Variants in CTSC observed in about 807,000 individuals in gnomAD.
CTSC encodes dipeptidyl peptidase 1.
In CTSC, 37 loss-of-function variants were observed where a neutral mutation model predicts 40.9. The ratio of observed to expected loss-of-function variants is 0.91; its 90% CI spans 0.70 to 1.19. The LOEUF is 1.19. CTSC is among the 50% of genes most tolerant of loss of function. The pLI is 0.00. For missense variants in CTSC, 594 were observed against 567.3 expected, an observed-to-expected ratio of 1.05 and a Z score of -0.48; for synonymous variants, 232 against 207.4, an observed-to-expected ratio of 1.12 and a Z score of -1.02.
rs370201211 is a variant in CTSC at position 88,296,290 on chromosome 11, T to C, written c.758-26A>G. 1,064 of 1,612,502 alleles carry C rather than the reference T, an allele frequency of 6.6e-4. 1 individual carries two copies. The highest frequency in any genetic ancestry group is 8.6e-4 in the Non-Finnish European group (1,013 of 1,179,224). ...CTGGCGATGAAAAAAAGACACATAATCCAAGAGACATCTGAAGCCTCACAG... is the reference window on the plus strand; with the variant it reads ...CTGGCGATGAAAAAAAGACACATAACCCAAGAGACATCTGAAGCCTCACAG... On this transcript the variant is annotated intron_variant, in intron 5 of 6. Transcript: ENST00000227266.
chr11:88,328,497 C>T (rs1391731409), intron 2 of CTSC, among the ~76,000 whole-genome samples: 4 of 152,070 alleles, frequency 2.6e-5, no homozygotes, highest in Admixed American at 6.6e-5. Context: ...CACAATATTC[C>T]CAAATCTTTT....
At chr11:88,334,894 T>C (rs761703847) in intron 2 of CTSC, 43 bp downstream of exon 2, 1 of 1,485,776 alleles carries the variant, frequency 6.7e-7, no homozygotes, top group Non-Finnish European at 9.4e-7. Context: ...GTTTCAGATA[T>C]CAAATCATTG....
At chr11:88,337,454 C>G in intron 1 of CTSC, 47 bp downstream of exon 1, 3 of 1,544,408 alleles carry the variant, frequency 1.9e-6, no homozygotes, top group Non-Finnish European at 2.6e-6. Context: ...GTTAGGGGCT[C>G]AAGGGCAGAA....
At chr11:88,334,698 AAATTTTAAACAT>A in intron 2 of CTSC, 1 of 452,610 alleles carries the variant, frequency 2.2e-6, no homozygotes, top group Non-Finnish European at 3.9e-6. Context: ...ACCAAAATGT[AAATTTTAAACAT>A]AATTTATACA....
chr11:88,297,417 C>T (rs1219271108), intron 5 of CTSC: 1 of 151,990 alleles, frequency 6.6e-6, no homozygotes, highest in Non-Finnish European at 1.5e-5. Flanking sequence ...CTTGTTTTGC[C>T]CCTCATTAGC....
intron 4 of CTSC, among the ~76,000 whole-genome samples, chr11:88,305,295 C>T (rs1445087391): frequency 6.6e-6 from 1 of 152,208 alleles, no homozygotes; most frequent in African/African-American, 2.4e-5. Context: ...AACTTGCTTT[C>T]ACTTTGCATT....
chr11:88,299,663 G>T (rs995131275), intron 5 of CTSC: 1 of 152,074 alleles, frequency 6.6e-6, no homozygotes, highest in African/African-American at 2.4e-5. Flanking sequence ...TTTATCTTTG[G>T]GTACTATAAA....
intron 2 of CTSC, chr11:88,325,166 T>C (rs2134807338): frequency 1.0e-6 from 1 of 984,666 alleles, no homozygotes; most frequent in Admixed American, 6.1e-5. Context: ...TAGCAATCAG[T>C]TGAACAATAC....
In CTSC at chr11:88,334,994, A is replaced by G. The variant is rs1473881376; in HGVS notation, c.261T>C (p.Ile87=). ...DLGNSGHFTI[I]YNQGFEIVLN... ...ACACAATCTCAAAGCCTTGGTTGTA[A>G]ATGATGGTGAAATGGCCAGAATTGC... The change falls in exon 2 of 7, where the codon ATT becomes ATC. Residue 87 remains isoleucine (I), a synonymous_variant. Coordinates refer to ENST00000227266, the MANE Select transcript of CTSC (RefSeq NM_001814.6). 6.2e-7 allele frequency: 1 copy of G among 1,611,772 alleles called. No homozygotes were observed. The highest frequency in any genetic ancestry group is 1.1e-5 in the South Asian group (1 of 91,020).
At chr11:88,307,137 C>A (rs992468808) in intron 4 of CTSC, among the ~76,000 whole-genome samples, 1 of 152,144 alleles carries the variant, frequency 6.6e-6, no homozygotes, top group Non-Finnish European at 1.5e-5. Flanking sequence ...CAAATTTGAG[C>A]CATGAACTCT....
At chr11:88,329,539 G>A (rs746299214) in intron 2 of CTSC, among the ~76,000 whole-genome samples, 1 of 149,250 alleles carries the variant, frequency 6.7e-6, no homozygotes, top group Non-Finnish European at 1.5e-5. Flanking sequence ...AGGACTTCCT[G>A]TCTCTGGGCA....
chr11:88,315,676 CAAA>C (rs957198872), intron 2 of CTSC, among the ~76,000 whole-genome samples: 1 of 151,206 alleles, frequency 6.6e-6, no homozygotes, highest in African/African-American at 2.4e-5. Flanking sequence ...TCTTGGGGGA[CAAA>C]AAAAAGACCT....
At chr11:88,320,694 A>G (rs2134797890) in intron 2 of CTSC, 1 of 330,476 alleles carries the variant, frequency 3.0e-6, no homozygotes, top group South Asian at 1.2e-4. Context: ...AAAATATAAA[A>G]GTCTAATCTC....
At chr11:88,324,899 T>G in intron 2 of CTSC, 1 of 985,218 alleles carries the variant, frequency 1.0e-6, no homozygotes, top group South Asian at 4.7e-5. Context: ...TCTGAAATAC[T>G]TCTTCTCAGA....
intron 4 of CTSC, among the ~76,000 whole-genome samples, chr11:88,305,842 A>G (rs1313083564): frequency 1.3e-5 from 2 of 152,218 alleles, no homozygotes; most frequent in African/African-American, 4.8e-5. Flanking sequence ...GAGCTTTAGC[A>G]GGAGTCCTCA....
intron 2 of CTSC, chr11:88,326,259 T>A: frequency 6.5e-7 from 1 of 1,540,394 alleles, no homozygotes; most frequent in Non-Finnish European, 8.7e-7. Flanking sequence ...TGGAGGTAGG[T>A]CACCAGGACT....
intron 2 of CTSC, among the ~76,000 whole-genome samples, chr11:88,316,476 T>TAAATAAATAAATAAAG (rs1937880987): frequency 1.8e-4 from 2 of 10,956 alleles, no homozygotes; most frequent in Non-Finnish European, 2.9e-4. Flanking sequence ...ATCCATTCTC[T>TAAATAAATAAATAAAG]AAATAAATAA....
At chr11:88,326,405 GT>G (rs1329939481) in intron 2 of CTSC, 1 of 1,613,852 alleles carries the variant, frequency 6.2e-7, no homozygotes, top group South Asian at 1.1e-5. Context: ...CATGGCTGTG[GT>G]TTTAAAAGAG....
At chr11:88,312,927 A>G (rs1336290321) in intron 2 of CTSC, among the ~76,000 whole-genome samples, 1 of 152,230 alleles carries the variant, frequency 6.6e-6, no homozygotes, top group Non-Finnish European at 1.5e-5. Flanking sequence ...CATTTTACCA[A>G]GGACAAAAGG....
Sources: allele counts gnomAD v4.1 joint callset (sites outside exome capture counted in the v4.1 genomes callset), GRCh38; gene constraint gnomAD v4.1.1; transcripts MANE v1.5; gene names NCBI Gene and HGNC (gene_info 2026-07-23, HGNC 2026-07-21).